MIA2: variants seen among roughly 807,000 people sequenced by gnomAD.
MIA2 encodes the protein melanoma inhibitory activity protein 2.
In MIA2, 127 loss-of-function variants were observed where a neutral mutation model predicts 167.8. The ratio of observed to expected loss-of-function variants is 0.76; its 90% confidence interval spans 0.66 to 0.88. The LOEUF is 0.88. Among genes scored for constraint, MIA2 ranks in the 40% least tolerant of loss-of-function variants. The pLI is 0.00. For missense variants in MIA2, 1,690 were observed against 1,624.7 expected (o/e 1.04, Z -0.69); for synonymous variants, 552 against 541.9 (o/e 1.02, Z -0.26).
intron 24 of MIA2, among the ~76,000 whole-genome samples, chr14:39,324,837 C>A (rs1440916296): frequency 6.6e-6 from 1 of 152,114 alleles, no homozygotes; most frequent in South Asian, 2.1e-4. Context: ...GAACTCCTCA[C>A]CTCAGGTGAT....
rs761263082 is a variant in MIA2, at chr14:39,326,864, G to A, written c.3497G>A (p.Gly1166Asp). Residue 1166 changes from glycine (G) to aspartate (D), a missense_variant and splice_region_variant, in exon 25 of 29, where the codon GGC becomes GAC. Transcript: ENST00000640607. ...TGTATGTTTTTTTTTCTTTAATTAGGCTCACGAGGCCCAGGGAATCCTCTG... is the reference window on the plus strand; with the variant it reads ...TGTATGTTTTTTTTTCTTTAATTAGACTCACGAGGCCCAGGGAATCCTCTG... ...SPLLPGGGGR[G>D]SRGPGNPLDH... The A allele has an allele frequency of 3.8e-6, 6 of 1,561,246 alleles. No homozygotes were observed. Among genetic ancestry groups the A allele is most frequent in the Admixed American group, 2.1e-5 (1 of 48,456 alleles).
rs760112363 is a variant in MIA2 at position 39,348,901 on chromosome 14, A to G, written c.3996A>G (p.Pro1332=). The change falls in exon 28 of 29, where the codon CCA becomes CCG. Residue 1332 remains proline, a synonymous_variant. Coordinates refer to ENST00000640607, the MANE Select transcript of MIA2 (RefSeq NM_001329214.4). ...GACCTCCTTTCCCCCCACCTCCTCC[A>G]GGAGCCATGTTTGGAGCTTCTCGAG... is the stretch of plus-strand genomic sequence containing the variant. ...RRGPPFPPPP[P]GAMFGASRDY... 1.9e-6 allele frequency: 3 copies of G among 1,614,130 alleles called. No homozygotes were observed. Among genetic ancestry groups the G allele is most frequent in the South Asian group, 1.1e-5 (1 of 91,084 alleles).
intron 6 of MIA2, among the ~76,000 whole-genome samples, chr14:39,271,369 A>G (rs1379871937): frequency 2.0e-5 from 3 of 151,974 alleles, no homozygotes; most frequent in Non-Finnish European, 4.4e-5. Context: ...TTTTTACCCA[A>G]TGTCTTGATT....
At chr14:39,345,798 T>G (rs775672041) in intron 25 of MIA2, 106 bp from the exon 26 acceptor site, 4 of 867,670 alleles carry the variant, frequency 4.6e-6, no homozygotes, top group Admixed American at 2.8e-5. Flanking sequence ...GATGATGAGT[T>G]TAAGTGTTAG....
downstream of MIA2, among the ~76,000 whole-genome samples, chr14:39,354,423 G>C (rs901345297): frequency 6.6e-6 from 1 of 151,952 alleles, no homozygotes; most frequent in Non-Finnish European, 1.5e-5. Context: ...TTTTTTTCTC[G>C]TAAATTTGTT....
chr14:39,288,600 G>T (rs1425640982), intron 9 of MIA2, among the ~76,000 whole-genome samples: 1 of 149,966 alleles, frequency 6.7e-6, no homozygotes, highest in East Asian at 2.0e-4. Context: ...TCAGCCACCT[G>T]AGTATCTAGG....
In MIA2 at chr14:39,348,938, C is replaced by A. The variant is rs779831913; in HGVS notation, c.4033C>A (p.Pro1345Thr). The change falls in exon 28 of 29, where the codon CCA becomes ACA. Residue 1345 changes from proline to threonine, a missense_variant. Coordinates refer to ENST00000640607, the MANE Select transcript of MIA2 (RefSeq NM_001329214.4). ...MFGASRDYFP[P>T]GDFPGPPPAP... ...TGGAGCTTCTCGAGATTATTTTCCA[C>A]CAGGGGATTTCCCAGGTCCACCACC... 3.7e-6 allele frequency: 6 copies of A among 1,613,912 alleles called. No individual in the cohort carries two copies. In the Admixed American group the frequency reaches 1.0e-4, roughly 27 times the overall value.
At chr14:39,271,489 C>T (rs905652129) in intron 6 of MIA2, among the ~76,000 whole-genome samples, 2 of 152,006 alleles carry the variant, frequency 1.3e-5, no homozygotes, top group Non-Finnish European at 2.9e-5. Flanking sequence ...TGTGGAGTCC[C>T]TTGCATTTCT....
chr14:39,311,305 A>AT (rs1786695684), intron 18 of MIA2, among the ~76,000 whole-genome samples: 1 of 151,064 alleles, frequency 6.6e-6, no homozygotes, highest in Admixed American at 6.6e-5. Context: ...TATTGAGTTG[A>AT]TAGTACCAGT....
intron 11 of MIA2, among the ~76,000 whole-genome samples, 184 bp from the exon 12 acceptor site, chr14:39,293,816 T>C (rs924803645): frequency 1.3e-5 from 2 of 152,340 alleles, no homozygotes; most frequent in African/African-American, 4.8e-5. Flanking sequence ...AGTTATGAGA[T>C]ACTATTGTTA....
chr14:39,289,014 G>T (rs895979966), intron 9 of MIA2, among the ~76,000 whole-genome samples: 1 of 152,080 alleles, frequency 6.6e-6, no homozygotes, highest in African/African-American at 2.4e-5. Flanking sequence ...ATTCCCTCCT[G>T]TTGTTTTTCT....
intron 14 of MIA2, among the ~76,000 whole-genome samples, chr14:39,301,615 A>G (rs1427418097): frequency 6.6e-6 from 1 of 152,232 alleles, no homozygotes; most frequent in Non-Finnish European, 1.5e-5. Context: ...GTGTTAGAAA[A>G]TATTTCTTTA....
At chr14:39,265,134 T>C (rs1594755977) in intron 6 of MIA2, 1 of 326,140 alleles carries the variant, frequency 3.1e-6, no homozygotes, top group East Asian at 5.7e-5. Flanking sequence ...AAAAAACATA[T>C]ATAGGTGCAT....
chr14:39,372,930 A>T lies in MIA2; in HGVS notation c.2249-13955A>T, dbSNP rs111744110. Among the ~76,000 whole-genome samples, 1,195 of 152,300 alleles carry T rather than the reference A, an allele frequency of 7.8e-3. 13 individuals carry two copies. Among genetic ancestry groups the T allele is most frequent in the African/African-American group, 0.027 (1,130 of 41,542 alleles). On this transcript the variant is annotated intron_variant, in intron 23 of 23. Coordinates refer to the MIA2 transcript ENST00000341502. ...TGAGGATGCAATAAAAAGTGTGTGT[A>T]TTGTATATTTCAAAATAGATAGAAG...
chr14:39,356,997 G>A (rs2074545372), intron 23 of MIA2, among the ~76,000 whole-genome samples: 1 of 152,280 alleles, frequency 6.6e-6, no homozygotes, highest in Non-Finnish European at 1.5e-5. Flanking sequence ...TGGAATAAGT[G>A]TGGTGTGGTG....
intron 23 of MIA2, among the ~76,000 whole-genome samples, chr14:39,369,062 A>AC (rs2074881675): frequency 1.3e-5 from 2 of 152,206 alleles, no homozygotes; most frequent in Non-Finnish European, 2.9e-5. Context: ...GAACTAGTTA[A>AC]CTAGTACTGG....
At position 39,248,096 on chromosome 14, in the gene MIA2, G is replaced by T; in HGVS notation, c.1522G>T (p.Asp508Tyr). ...GEFSIDNYPT[D>Y]NTKVMIFKSS... ...ATTTTCCATTGATAATTATCCCACA[G>T]ATAATACAAAAGTTATGATATTCAA... The change falls in exon 4 of 29, where the codon GAT (aspartate) becomes TAT (tyrosine). Residue 508 changes from aspartate to tyrosine, a missense_variant. By Grantham distance (160) the Asp-to-Tyr change is radical. Transcript: ENST00000640607. The T allele has an allele frequency of 6.5e-7, 1 of 1,547,612 alleles. No homozygotes were observed. Among genetic ancestry groups the T allele is most frequent in the South Asian group, 1.3e-5 (1 of 78,342 alleles).
At chr14:39,313,261 G>T (rs2064678179) in intron 18 of MIA2, 79 bp from the exon 19 acceptor site, 2 of 700,940 alleles carry the variant, frequency 2.9e-6, no homozygotes, top group Admixed American at 2.9e-5. Context: ...GGAATCACCA[G>T]TTTTTTCACA....
intron 6 of MIA2, among the ~76,000 whole-genome samples, chr14:39,256,550 T>C (rs2054824275): frequency 6.6e-6 from 1 of 151,794 alleles, no homozygotes; most frequent in South Asian, 2.1e-4. Context: ...TTCCATCACA[T>C]CAAAAGCAAT....
Sources: allele counts gnomAD v4.1 joint callset (sites outside exome capture counted in the v4.1 genomes callset), GRCh38; gene constraint gnomAD v4.1.1; transcripts MANE v1.5; gene names NCBI Gene and HGNC (gene_info 2026-07-23, HGNC 2026-07-21).